Variants in SEMA3A observed in about 807,000 individuals in gnomAD.
SEMA3A encodes the protein semaphorin 3A.
A neutral mutation model predicts 97.9 loss-of-function variants in SEMA3A; 29 were observed. The ratio of observed to expected loss-of-function variants is 0.30; its 90% CI spans 0.22 to 0.40. SEMA3A has a LOEUF of 0.40. Ranked by LOEUF, SEMA3A falls within the 10% of genes least tolerant of loss-of-function variation. The pLI is 1.00. For missense variants in SEMA3A, 763 were observed against 951.3 expected, an observed-to-expected ratio of 0.80 and a Z score of 2.60; for synonymous variants, 321 against 323.7, an observed-to-expected ratio of 0.99 and a Z score of 0.09.
intron 1 of SEMA3A, among the ~76,000 whole-genome samples, chr7:84,420,485 G>A (rs1475373745): frequency 6.6e-6 from 1 of 152,012 alleles, no homozygotes; most frequent in East Asian, 1.9e-4. Context: ...TTGAAGATAG[G>A]TCAATTAAAA....
chr7:84,272,101 C>A, intron 3 of SEMA3A, among the ~76,000 whole-genome samples: 1 of 151,516 alleles, frequency 6.6e-6, no homozygotes, highest in South Asian at 2.1e-4. Context: ...TTGATGTAAT[C>A]AATGGAAAAA....
chr7:84,387,968 C>T (rs1803442096), intron 1 of SEMA3A, among the ~76,000 whole-genome samples: 1 of 152,010 alleles, frequency 6.6e-6, no homozygotes, highest in South Asian at 2.1e-4. Flanking sequence ...CACCTCTGCA[C>T]AATGGAAATA....
intron 15 of SEMA3A, among the ~76,000 whole-genome samples, chr7:83,972,714 TTG>T (rs1788968405): frequency 6.6e-6 from 1 of 152,090 alleles, no homozygotes; most frequent in African/African-American, 2.4e-5. Context: ...AAATCTTAGT[TTG>T]TAACAGTTAA....
At chr7:84,289,674 A>C (rs1800692840) in intron 3 of SEMA3A, among the ~76,000 whole-genome samples, 2 of 152,106 alleles carry the variant, frequency 1.3e-5, no homozygotes, top group African/African-American at 2.4e-5. Context: ...TGCTGGTGAG[A>C]ATGTAAAATG....
chr7:84,429,889 T>C (rs2116316282), intron 1 of SEMA3A, among the ~76,000 whole-genome samples: 2 of 151,978 alleles, frequency 1.3e-5, no homozygotes, highest in East Asian at 3.9e-4. Flanking sequence ...TCCGATGGCA[T>C]CTTTAACAAG....
At chr7:84,128,745 C>T (rs1165656285) in intron 3 of SEMA3A, among the ~76,000 whole-genome samples, 1 of 152,042 alleles carries the variant, frequency 6.6e-6, no homozygotes, top group Non-Finnish European at 1.5e-5. Context: ...ATCCCTAATT[C>T]AAAATCCTGA....
Position 84,170,143 on chromosome 7 carries a change from G to A in SEMA3A, c.112+24332C>T, listed in dbSNP as rs143219190. Among the ~76,000 whole-genome samples, 221 of 152,056 alleles carry A rather than the reference G, an allele frequency of 1.5e-3. 1 individual carries two copies. The highest frequency in any genetic ancestry group is 5.0e-3 in the African/African-American group (207 of 41,542). On this transcript the variant is annotated intron_variant, in intron 1 of 16. Coordinates refer to ENST00000265362, the MANE Select transcript of SEMA3A (RefSeq NM_006080.3). ...AAAATAGCTTTGTTAGTACAGTCCTGATGTAAGTTATGGAAGATGAACACT... is the reference window on the plus strand; with the variant it reads ...AAAATAGCTTTGTTAGTACAGTCCTAATGTAAGTTATGGAAGATGAACACT...
chr7:84,211,513 C>T (rs564584549), intron 3 of SEMA3A, among the ~76,000 whole-genome samples: 6 of 151,554 alleles, frequency 4.0e-5, no homozygotes, highest in South Asian at 2.1e-4. Context: ...CCCAGCTACT[C>T]GGGAGGCTCA....
chr7:84,415,795 C>T (rs1312331107), intron 1 of SEMA3A, among the ~76,000 whole-genome samples: 1 of 151,910 alleles, frequency 6.6e-6, no homozygotes, highest in Non-Finnish European at 1.5e-5. Flanking sequence ...CATAGAAAAA[C>T]CATAGCCCTT....
Position 84,117,921 on chromosome 7 carries a change from C to T in SEMA3A, c.334-7332G>A, listed in dbSNP as rs572663942. ...GTAAATTACTTAACATGATGACTAG[C>T]GCTTATTAATTGATAGGTAACTGGT... is the stretch of plus-strand genomic sequence containing the variant. On this transcript the variant is annotated intron_variant, in intron 3 of 16. Coordinates refer to ENST00000265362, the MANE Select transcript of SEMA3A (RefSeq NM_006080.3). Among the ~76,000 whole-genome samples, 76 of 152,218 alleles carry T rather than the reference C, an allele frequency of 5.0e-4. 1 individual carries two copies. In the South Asian group the frequency reaches 8.1e-3, roughly 16 times the overall value.
rs1483708142 is a variant in SEMA3A, at chr7:84,151,298, C to T, written c.113-16347G>A. Among the ~76,000 whole-genome samples the T allele has an allele frequency of 5.3e-5, 8 of 151,410 alleles. No homozygotes were observed. The South Asian group carries it at 1.0e-3, about 20-fold the overall frequency. Reference sequence around the variant, plus strand: ...CAGACGATCAAATTACTCTGAGCTACGGGAGGACATTCAAACCAAAGGCAA... The same window carrying T: ...CAGACGATCAAATTACTCTGAGCTATGGGAGGACATTCAAACCAAAGGCAA... On this transcript the variant is annotated intron_variant, in intron 1 of 16. Transcript: ENST00000265362.
At chr7:84,425,898 C>A (rs1804814171) in intron 1 of SEMA3A, among the ~76,000 whole-genome samples, 1 of 150,082 alleles carries the variant, frequency 6.7e-6, no homozygotes, top group African/African-American at 2.5e-5. Context: ...ACTACTCAGT[C>A]TTAAAAACGA....
intron 3 of SEMA3A, among the ~76,000 whole-genome samples, chr7:84,268,257 G>A (rs1800056868): frequency 6.7e-6 from 1 of 148,666 alleles, no homozygotes. Flanking sequence ...GCATGTGTGT[G>A]TGTGTGTGTG....
chr7:84,258,616 A>T (rs548827390), intron 3 of SEMA3A, among the ~76,000 whole-genome samples: 37 of 152,280 alleles, frequency 2.4e-4, no homozygotes, highest in Admixed American at 5.2e-4. Context: ...TTGATATCTG[A>T]GAGTTGAATA....
At chr7:84,465,294 C>T (rs2116397220) in intron 1 of SEMA3A, among the ~76,000 whole-genome samples, 1 of 152,170 alleles carries the variant, frequency 6.6e-6, no homozygotes, top group South Asian at 2.1e-4. Context: ...GGCAAAGATC[C>T]TCATTCATAC....
intron 2 of SEMA3A, among the ~76,000 whole-genome samples, chr7:84,315,983 T>C (rs1801486187): frequency 6.6e-6 from 1 of 151,540 alleles, no homozygotes; most frequent in Non-Finnish European, 1.5e-5. Flanking sequence ...AATTTTATTT[T>C]CTTTTCTCTT....
At chr7:84,464,575 T>A (rs1805942761) in intron 1 of SEMA3A, among the ~76,000 whole-genome samples, 2 of 152,204 alleles carry the variant, frequency 1.3e-5, no homozygotes, top group African/African-American at 4.8e-5. Context: ...AAGAAATACA[T>A]CACTTGGAAC....
intron 1 of SEMA3A, among the ~76,000 whole-genome samples, chr7:84,169,206 CTTCT>C (rs568900911): frequency 8.0e-4 from 121 of 151,320 alleles, no homozygotes; most frequent in African/African-American, 2.8e-3. Flanking sequence ...CAAAAAAGAG[CTTCT>C]TTATTATTTA....
chr7:84,059,272 C>T (rs1297550499), intron 5 of SEMA3A, among the ~76,000 whole-genome samples: 1 of 152,106 alleles, frequency 6.6e-6, no homozygotes, highest in Admixed American at 6.5e-5. Context: ...TAAAATGCTG[C>T]ATAAATGCAT....
Sources: gnomAD v4.1 joint callset for allele counts (sites outside exome capture counted in the v4.1 genomes callset) on GRCh38, gnomAD v4.1.1 for gene constraint, MANE v1.5 for transcripts, NCBI Gene and HGNC (gene_info 2026-07-23, HGNC 2026-07-21) for gene names.